The following CCDC148 variants were observed in gnomAD, a reference collection of about 807,000 sequenced individuals.
CCDC148 encodes the protein coiled-coil domain-containing protein 148.
Under a neutral mutation model 85.7 loss-of-function variants are expected in CCDC148, and 89 were observed. The observed-to-expected ratio is 1.04, with a 90% CI of 0.87 to 1.24. The LOEUF is 1.24. Among genes scored for constraint, CCDC148 ranks in the 50% most tolerant of loss-of-function variants. The pLI is 0.00. For missense variants in CCDC148, 692 were observed against 671.7 expected (o/e 1.03, Z -0.33); for synonymous variants, 230 against 213.9 (o/e 1.08, Z -0.66).
intron 1 of CCDC148, among the ~76,000 whole-genome samples, chr2:158,422,154 G>A (rs1574792057): frequency 6.6e-6 from 1 of 152,188 alleles, no homozygotes; most frequent in Admixed American, 6.5e-5. Flanking sequence ...AATTCTAGCA[G>A]AGGTAGAAGG....
At chr2:158,397,611 C>T (rs997443318) in intron 1 of CCDC148, among the ~76,000 whole-genome samples, 11 of 152,100 alleles carry the variant, frequency 7.2e-5, no homozygotes, top group Admixed American at 7.2e-4. Flanking sequence ...ACCTGCCTTA[C>T]AAGTATTCCT....
chr2:158,273,628 G>C (rs1038401047), intron 9 of CCDC148, among the ~76,000 whole-genome samples: 21 of 152,128 alleles, frequency 1.4e-4, no homozygotes, highest in Non-Finnish European at 2.9e-4. Flanking sequence ...CCACACCCTA[G>C]AGGTGCTAGC....
intron 9 of CCDC148, among the ~76,000 whole-genome samples, chr2:158,262,009 A>G (rs933355860): frequency 1.3e-5 from 2 of 152,086 alleles, no homozygotes; most frequent in South Asian, 2.1e-4. Flanking sequence ...CAATCCCATT[A>G]CTGGGTATAT....
At chr2:158,366,174 A>C in intron 1 of CCDC148, 1 of 825,410 alleles carries the variant, frequency 1.2e-6, no homozygotes, top group Non-Finnish European at 1.8e-6. Flanking sequence ...AAGACCCAGG[A>C]CTGGGTGCCA....
intron 11 of CCDC148, among the ~76,000 whole-genome samples, chr2:158,184,760 C>T (rs936174055): frequency 6.6e-6 from 1 of 152,046 alleles, no homozygotes; most frequent in South Asian, 2.1e-4. Context: ...GGATGAGAAC[C>T]AATGCTACAT....
chr2:158,436,019 A>T (rs555649760), intron 1 of CCDC148, among the ~76,000 whole-genome samples: 3 of 152,168 alleles, frequency 2.0e-5, no homozygotes, highest in South Asian at 2.1e-4. Context: ...CCCCCACACA[A>T]TAATAATGGG....
intron 3 of CCDC148, among the ~76,000 whole-genome samples, chr2:158,343,030 A>G (rs1682808202): frequency 6.6e-6 from 1 of 152,186 alleles, no homozygotes; most frequent in South Asian, 2.1e-4. Context: ...GTTTTTAGAC[A>G]TGGGGTCTCA....
intron 1 of CCDC148, among the ~76,000 whole-genome samples, chr2:158,445,211 A>G (rs1026750622): frequency 2.6e-5 from 4 of 152,242 alleles, no homozygotes; most frequent in Non-Finnish European, 4.4e-5. Context: ...CTATGATTTT[A>G]AAAATCAAGT....
chr2:158,406,622 T>TCTGTTTTTTTTTTTTGTTTTTTG (rs1553518860), intron 1 of CCDC148, among the ~76,000 whole-genome samples: 3 of 84,522 alleles, frequency 3.5e-5, no homozygotes, highest in Non-Finnish European at 4.8e-5. Context: ...TCTTTTTTTT[T>TCTGTTTTTTTTTTTTGTTTTTTG]TTTTTTTTTT....
At chr2:158,406,628 T>TTTTTTTG (rs1318613101) in intron 1 of CCDC148, among the ~76,000 whole-genome samples, 28 of 119,008 alleles carry the variant, frequency 2.4e-4, no homozygotes, top group Non-Finnish European at 3.9e-4. Flanking sequence ...TTTTTTTTTT[T>TTTTTTTG]TTTTTTTTTT....
At chr2:158,353,820 G>A (rs1574677005) in intron 2 of CCDC148, among the ~76,000 whole-genome samples, 1 of 152,128 alleles carries the variant, frequency 6.6e-6, no homozygotes, top group East Asian at 1.9e-4. Context: ...TGACCATATA[G>A]TTGGAAGTAA....
intron 1 of CCDC148, among the ~76,000 whole-genome samples, chr2:158,452,604 T>C (rs1207753725): frequency 3.3e-5 from 5 of 151,966 alleles, no homozygotes; most frequent in Non-Finnish European, 7.3e-5. Context: ...CTGCTCTCTC[T>C]GGTTCTCTTG....
chr2:158,190,467 T>C (rs1685370981), intron 11 of CCDC148, among the ~76,000 whole-genome samples: 1 of 151,950 alleles, frequency 6.6e-6, no homozygotes, highest in African/African-American at 2.4e-5. Flanking sequence ...ACCTATCAAG[T>C]AGACAAAGGC....
intron 1 of CCDC148, among the ~76,000 whole-genome samples, chr2:158,393,587 T>C (rs1328949187): frequency 6.6e-6 from 1 of 152,064 alleles, no homozygotes; most frequent in African/African-American, 2.4e-5. Context: ...GGGGGCCAAG[T>C]GGGCAGACTC....
At chr2:158,330,756 G>A (rs1465074234) in intron 7 of CCDC148, among the ~76,000 whole-genome samples, 3 of 152,132 alleles carry the variant, frequency 2.0e-5, no homozygotes, top group Non-Finnish European at 2.9e-5. Context: ...ATGTGTTAAT[G>A]AATCTATCCA....
At chr2:158,254,985 CA>C (rs58809618) in intron 9 of CCDC148, among the ~76,000 whole-genome samples, 70,983 of 131,006 alleles carry the variant, frequency 0.54, 17,718 homozygotes, top group South Asian at 0.71. Flanking sequence ...TTCTTTTCTC[CA>C]AAAAAAAAAA....
chr2:158,432,940 C>T, intron 1 of CCDC148, among the ~76,000 whole-genome samples: 1 of 150,108 alleles, frequency 6.7e-6, no homozygotes. Flanking sequence ...CAAAAATTAA[C>T]ATAGGTAAAA....
intron 9 of CCDC148, among the ~76,000 whole-genome samples, chr2:158,263,794 C>T (rs1213107410): frequency 1.3e-5 from 2 of 151,802 alleles, no homozygotes. Flanking sequence ...AAATGGATTA[C>T]AAAGAAGAAA....
At position 158,451,506 on chromosome 2, in the gene CCDC148, G is replaced by A. The variant is rs1212446413; in HGVS notation, c.25+4909C>T. 3.3e-5 allele frequency among the ~76,000 whole-genome samples: 5 copies of A among 151,988 alleles called. No individual in the cohort carries two copies. The South Asian group carries it at 8.3e-4, about 25-fold the overall frequency. ...TCTAATAAATTATTTTTATTTTCCA[G>A]CCTGATTCCTAAAATGTATAATAGA... On this transcript the variant is annotated intron_variant, in intron 1 of 13. Coordinates refer to ENST00000283233, the MANE Select transcript of CCDC148 (RefSeq NM_138803.4).
Sources: allele counts gnomAD v4.1 joint callset (sites outside exome capture counted in the v4.1 genomes callset), GRCh38; gene constraint gnomAD v4.1.1; transcripts MANE v1.5; gene names NCBI Gene and HGNC (gene_info 2026-07-23, HGNC 2026-07-21).